Variants in SPAG6 observed in about 807,000 individuals in gnomAD.
SPAG6 encodes the protein sperm-associated antigen 6.
In SPAG6, 49 loss-of-function variants were observed where a neutral mutation model predicts 58.5. The ratio of observed to expected loss-of-function variants is 0.84; its 90% CI spans 0.67 to 1.06. The LOEUF (loss-of-function observed/expected upper bound fraction) is 1.06, where lower values mean the gene tolerates loss of function less well. SPAG6 is among the 50% of genes least tolerant of loss of function. The pLI is 0.00. For synonymous variants in SPAG6, 233 were observed against 225.6 expected (o/e 1.03, Z -0.29); for missense variants, 560 against 611.3 (o/e 0.92, Z 0.89).
chr10:22,394,155 T>C (rs1377177485), intron 8 of SPAG6, among the ~76,000 whole-genome samples: 1 of 152,258 alleles, frequency 6.6e-6, no homozygotes, highest in Non-Finnish European at 1.5e-5. Flanking sequence ...TTATGAAATG[T>C]ATGATTTGTA....
At chr10:22,406,178 A>G (rs1261164584) in intron 9 of SPAG6, among the ~76,000 whole-genome samples, 1 of 152,056 alleles carries the variant, frequency 6.6e-6, no homozygotes, top group Non-Finnish European at 1.5e-5. Flanking sequence ...GCCTTCTGCT[A>G]GCTTGTGAAT....
At chr10:22,381,361 A>T (rs1833951764) in intron 4 of SPAG6, among the ~76,000 whole-genome samples, 1 of 151,724 alleles carries the variant, frequency 6.6e-6, no homozygotes, top group South Asian at 2.1e-4. Flanking sequence ...ACACTTAAAA[A>T]CCAGATAATT....
chr10:22,388,249 G>A (rs1392684437), intron 6 of SPAG6, among the ~76,000 whole-genome samples: 1 of 151,820 alleles, frequency 6.6e-6, no homozygotes, highest in African/African-American at 2.4e-5. Flanking sequence ...TCTCCCGCAA[G>A]TGGTGACAAT....
At chr10:22,355,166 T>C (rs1377831392) in intron 2 of SPAG6, among the ~76,000 whole-genome samples, 1 of 152,198 alleles carries the variant, frequency 6.6e-6, no homozygotes, top group Admixed American at 6.5e-5. Context: ...AGGCCAGTTT[T>C]TCTTGGCAAA....
rs1327290104 is a variant in SPAG6, at chr10:22,389,339, G to A, written c.1005+27G>A. 3 of 1,602,094 alleles carry A rather than the reference G, an allele frequency of 1.9e-6. No homozygotes were observed. The East Asian group carries it at 6.7e-5, about 36-fold the overall frequency. On this transcript the variant is annotated intron_variant, in intron 7 of 10. Transcript: ENST00000376624. ...TTTGTTCTTGCTTCGTTTTCTTCCAGTTGCAGTAAGAAATTCTAAGACAGA... is the reference window on the plus strand; with the variant it reads ...TTTGTTCTTGCTTCGTTTTCTTCCAATTGCAGTAAGAAATTCTAAGACAGA...
At chr10:22,407,342 A>G (rs1313715778) in intron 9 of SPAG6, among the ~76,000 whole-genome samples, 2 of 151,490 alleles carry the variant, frequency 1.3e-5, no homozygotes, top group Admixed American at 1.3e-4. Context: ...GGTGGTGACA[A>G]AATCTCTCAG....
chr10:22,345,784 T>G lies in SPAG6; in HGVS notation c.87T>G (p.Thr29=), dbSNP rs1009869662. ...QFVQMVAELA[T]RPQNIETLQN... ...TGCAGATGGTGGCGGAGCTGGCGAC[T>G]AGACCCCAAAACATCGAGACGCTGC... Residue 29 remains threonine (T), a synonymous_variant, in exon 2 of 11, where the codon ACT becomes ACG. Coordinates refer to ENST00000376624, the MANE Select transcript of SPAG6 (RefSeq NM_012443.4). The surrounding 1 kb of genome is among the most constrained non-coding windows in gnomAD (Gnocchi z 6.3). The G allele has an allele frequency of 2.4e-5, 38 of 1,613,584 alleles. No homozygotes were observed. Among genetic ancestry groups the G allele is most frequent in the Non-Finnish European group, 2.8e-5 (33 of 1,179,840 alleles).
At position 22,373,092 on chromosome 10, in the gene SPAG6, G is replaced by A. The variant is rs369195431; in HGVS notation, c.472+4414G>A. ...ATACCTCTGTTTCTAATCTCCGTTGGCCGCTTTCCACCCGGTTGACTCTTC... is the reference window on the plus strand; with the variant it reads ...ATACCTCTGTTTCTAATCTCCGTTGACCGCTTTCCACCCGGTTGACTCTTC... On this transcript the variant is annotated intron_variant, in intron 4 of 10. Transcript: ENST00000376624. Among the ~76,000 whole-genome samples the A allele has an allele frequency of 5.9e-5, 9 of 152,196 alleles. No homozygotes were observed. The East Asian group carries it at 1.4e-3, about 23-fold the overall frequency.
chr10:22,393,504 T>C (rs980768105), intron 8 of SPAG6, among the ~76,000 whole-genome samples: 3 of 152,208 alleles, frequency 2.0e-5, no homozygotes, highest in African/African-American at 7.2e-5. Context: ...AAAAATAAAT[T>C]TGAAAACTTC....
chr10:22,379,531 G>T (rs1833903283), intron 4 of SPAG6, among the ~76,000 whole-genome samples: 2 of 152,142 alleles, frequency 1.3e-5, no homozygotes, highest in Non-Finnish European at 1.5e-5. Context: ...GGCCCATAGG[G>T]CACAGAACTA....
chr10:22,374,503 C>A (rs368291610), intron 4 of SPAG6, among the ~76,000 whole-genome samples: 1 of 150,938 alleles, frequency 6.6e-6, no homozygotes, highest in Non-Finnish European at 1.5e-5. Flanking sequence ...CAGAGTGGCA[C>A]GTGCCTGTAA....
chr10:22,391,067 G>T (rs1834173078), intron 7 of SPAG6, among the ~76,000 whole-genome samples: 1 of 152,254 alleles, frequency 6.6e-6, no homozygotes, highest in African/African-American at 2.4e-5. Flanking sequence ...AGTTTATTCT[G>T]TTTTTATTGT....
chr10:22,372,786 T>C (rs1833729243), intron 4 of SPAG6, among the ~76,000 whole-genome samples: 1 of 152,158 alleles, frequency 6.6e-6, no homozygotes, highest in Admixed American at 6.5e-5. Flanking sequence ...AAAGTGTTTC[T>C]TTGTGGTAAA....
At chr10:22,372,481 C>G (rs1022270817) in intron 4 of SPAG6, among the ~76,000 whole-genome samples, 2 of 152,150 alleles carry the variant, frequency 1.3e-5, no homozygotes, top group African/African-American at 4.8e-5. Context: ...GATGGCTCAG[C>G]CACTGGGAGG....
intron 8 of SPAG6, among the ~76,000 whole-genome samples, chr10:22,398,828 T>A (rs7901473): frequency 0.16 from 24,008 of 152,124 alleles, 5,624 homozygotes; most frequent in African/African-American, 0.51. Context: ...TATTATTATT[T>A]TTTTTTTTGA....
intron 10 of SPAG6, among the ~76,000 whole-genome samples, chr10:22,412,005 C>T (rs1003769271): frequency 1.3e-5 from 2 of 152,018 alleles, no homozygotes; most frequent in African/African-American, 2.4e-5. Flanking sequence ...CCCGCCATCA[C>T]GCCCAGCTAA....
At chr10:22,355,108 A>C (rs1836831608) in intron 2 of SPAG6, among the ~76,000 whole-genome samples, 1 of 152,230 alleles carries the variant, frequency 6.6e-6, no homozygotes, top group Non-Finnish European at 1.5e-5. Context: ...AATAATGTGA[A>C]TTCAACAGAC....
At chr10:22,367,287 T>C (rs1837227121) in intron 3 of SPAG6, among the ~76,000 whole-genome samples, 1 of 152,158 alleles carries the variant, frequency 6.6e-6, no homozygotes, top group African/African-American at 2.4e-5. Context: ...TTCAAAACTC[T>C]ATTCTAATAT....
At chr10:22,346,463 C>CTTCTTT (rs1017862805) in intron 2 of SPAG6, among the ~76,000 whole-genome samples, 3 of 141,784 alleles carry the variant, frequency 2.1e-5, no homozygotes, top group African/African-American at 9.0e-5. Flanking sequence ...TCTTCTTCTT[C>CTTCTTT]TTCTTCTTCT....
Sources: allele counts gnomAD v4.1 joint callset (sites outside exome capture counted in the v4.1 genomes callset), GRCh38; gene constraint gnomAD v4.1.1; non-coding constraint Gnocchi (gnomAD v3.1); transcripts MANE v1.5; gene names NCBI Gene and HGNC (gene_info 2026-07-23, HGNC 2026-07-21).